CPNE3: variants seen among roughly 807,000 people sequenced by gnomAD.
CPNE3 encodes the protein copine 3.
Under a neutral mutation model 63.9 loss-of-function variants are expected in CPNE3, and 68 were observed. That is an observed-to-expected ratio of 1.06 (90% confidence interval 0.87 to 1.30). CPNE3 has a LOEUF of 1.30. Ranked by LOEUF, CPNE3 falls within the 50% of genes most tolerant of loss-of-function variation. The probability of loss-of-function intolerance (pLI) is 0.00; values close to 1 mark genes in which losing one functional copy is unlikely to be tolerated. For synonymous variants in CPNE3, 219 were observed against 197.5 expected, an observed-to-expected ratio of 1.11 and a Z score of -0.91; for missense variants, 665 against 578.1, an observed-to-expected ratio of 1.15 and a Z score of -1.54.
At chr8:86,548,004 C>T (rs1821092536) in intron 11 of CPNE3, among the ~76,000 whole-genome samples, 1 of 152,136 alleles carries the variant, frequency 6.6e-6, no homozygotes, top group South Asian at 2.1e-4. Flanking sequence ...AGTGGTTATC[C>T]TGAACTAATT....
At chr8:86,556,507 A>G (rs528897739) in intron 16 of CPNE3, among the ~76,000 whole-genome samples, 169 bp downstream of exon 16, 1 of 152,346 alleles carries the variant, frequency 6.6e-6, no homozygotes, top group East Asian at 1.9e-4. Flanking sequence ...CAGGATGTTC[A>G]TTATGTGCTT....
At chr8:86,540,457 T>C (rs956238067) in intron 8 of CPNE3, 123 bp downstream of exon 8, 5 of 418,196 alleles carry the variant, frequency 1.2e-5, no homozygotes, top group Non-Finnish European at 2.1e-5. Context: ...CAGAGTTAAA[T>C]TTTATGTGTG....
chr8:86,520,533 G>T (rs1463229669), intron 2 of CPNE3, among the ~76,000 whole-genome samples: 1 of 148,526 alleles, frequency 6.7e-6, no homozygotes, highest in South Asian at 2.1e-4. Flanking sequence ...CAGCATGGGC[G>T]ACAAGAGTGA....
At chr8:86,544,216 A>G (rs1041209231) in intron 8 of CPNE3, among the ~76,000 whole-genome samples, 2 of 152,154 alleles carry the variant, frequency 1.3e-5, no homozygotes, top group African/African-American at 2.4e-5. Context: ...TGGCTTCATC[A>G]TATCTAACTT....
intron 12 of CPNE3, among the ~76,000 whole-genome samples, chr8:86,548,728 C>A (rs1821108724): frequency 6.6e-6 from 1 of 152,056 alleles, no homozygotes; most frequent in African/African-American, 2.4e-5. Context: ...TTTCTTTAGT[C>A]TGGTTTCCTT....
chr8:86,526,423 G>T (rs943347931), intron 2 of CPNE3, among the ~76,000 whole-genome samples: 2 of 151,998 alleles, frequency 1.3e-5, no homozygotes, highest in Non-Finnish European at 2.9e-5. Context: ...GACCCTAGAG[G>T]CAGATAGTGA....
Position 86,554,878 on chromosome 8 carries a change from G to A in CPNE3, c.1148G>A (p.Arg383Gln), listed in dbSNP as rs78562770. 3,914 of 1,613,894 alleles carry A rather than the reference G, an allele frequency of 2.4e-3. 28 individuals are homozygous for A. In the African/African-American group the frequency reaches 0.026, roughly 11 times the overall value. The change falls in exon 15 of 17, where the codon CGG becomes CAG. Residue 383 changes from arginine (R) to glutamine (Q), a missense_variant. Transcript: ENST00000517490. ...ATCCAAGGCATTGTAGAGGCGTATC[G>A]GTCTTGTCTTCCTCAGATAAAACTC... Reference protein sequence around the residue: ...NGIQGIVEAYRSCLPQIKLYG... With the variant: ...NGIQGIVEAYQSCLPQIKLYG...
rs756144926 is a variant in CPNE3 at position 86,548,307 on chromosome 8, G to T, written c.886G>T (p.Val296Leu). 1.2e-6 allele frequency: 2 copies of T among 1,613,968 alleles called. No homozygotes were observed. Among genetic ancestry groups the T allele is most frequent in the South Asian group, 2.2e-5 (2 of 91,068 alleles). Reference sequence around the variant, plus strand: ...TGCAATTGTTATTTGGCAGGTGGGAGTGGACTTCACTGGCTCCAATGGTGA... The same window carrying T: ...TGCAATTGTTATTTGGCAGGTGGGATTGGACTTCACTGGCTCCAATGGTGA... ...GGCQLNFTVG[V>L]DFTGSNGDPR... Residue 296 changes from valine (V) to leucine (L), a missense_variant, in exon 12 of 17, where the codon GTG (valine) becomes TTG (leucine). By Grantham distance (32) the Val-to-Leu change is conservative. Transcript: ENST00000517490.
At chr8:86,535,301 T>C (rs1025938221) in intron 6 of CPNE3, among the ~76,000 whole-genome samples, 1 of 151,314 alleles carries the variant, frequency 6.6e-6, no homozygotes, top group Non-Finnish European at 1.5e-5. Context: ...GGCTTTTCAG[T>C]GGACAGATAC....
At chr8:86,520,060 T>C (rs28613262) in intron 2 of CPNE3, among the ~76,000 whole-genome samples, 23,409 of 149,246 alleles carry the variant, frequency 0.16, 1,927 homozygotes, top group Non-Finnish European at 0.19. Context: ...TGGAAAACTT[T>C]ATCCTTTTTC....
chr8:86,544,961 T>G (rs888948995), intron 9 of CPNE3, 123 bp downstream of exon 9: 1 of 458,088 alleles, frequency 2.2e-6, no homozygotes, highest in Admixed American at 3.6e-5. Flanking sequence ...TGCATAATGC[T>G]CCGAAATGTT....
At chr8:86,528,202 A>C (rs994441479) in intron 2 of CPNE3, among the ~76,000 whole-genome samples, 38 of 151,998 alleles carry the variant, frequency 2.5e-4, no homozygotes, top group African/African-American at 8.7e-4. Context: ...CTTCTGCCTC[A>C]GCCTCCCAAA....
intron 6 of CPNE3, among the ~76,000 whole-genome samples, chr8:86,533,982 G>A (rs1248058247): frequency 2.0e-5 from 3 of 152,030 alleles, no homozygotes; most frequent in African/African-American, 7.2e-5. Flanking sequence ...CGTTCAAGTT[G>A]GGCACAGGTG....
chr8:86,544,593 C>T, intron 8 of CPNE3, 147 bp from the exon 9 acceptor site: 2 of 315,190 alleles, frequency 6.3e-6, no homozygotes, highest in Non-Finnish European at 1.1e-5. Flanking sequence ...ATGTTAATTC[C>T]TACTGTCCCA....
chr8:86,553,046 T>C (rs1821229038), intron 14 of CPNE3, among the ~76,000 whole-genome samples: 1 of 144,998 alleles, frequency 6.9e-6, no homozygotes, highest in South Asian at 2.2e-4. Flanking sequence ...GTATTTTTAG[T>C]AAAGACAGGG....
intron 10 of CPNE3, chr8:86,547,482 T>C (rs986117573): frequency 7.1e-6 from 3 of 424,194 alleles, no homozygotes; most frequent in Non-Finnish European, 1.2e-5. Flanking sequence ...ATTTCATCTT[T>C]CGCCATTAGT....
chr8:86,537,696 T>C (rs778699229), intron 7 of CPNE3, 50 bp downstream of exon 7: 2 of 1,056,646 alleles, frequency 1.9e-6, no homozygotes, highest in East Asian at 2.4e-5. Context: ...TTGAAATTAT[T>C]GTAATCTGAA....
intron 10 of CPNE3, 105 bp downstream of exon 10, chr8:86,546,786 A>G (rs968896491): frequency 8.3e-7 from 1 of 1,207,010 alleles, no homozygotes; most frequent in Non-Finnish European, 1.1e-6. Flanking sequence ...ATCTCGGCTC[A>G]CTGCAACCTC....
intron 2 of CPNE3, among the ~76,000 whole-genome samples, chr8:86,521,311 A>G (rs894144991): frequency 6.6e-6 from 1 of 152,204 alleles, no homozygotes; most frequent in Non-Finnish European, 1.5e-5. Flanking sequence ...AATATAAACC[A>G]TTCCAGTTCT....
Sources: gnomAD v4.1 joint callset for allele counts (sites outside exome capture counted in the v4.1 genomes callset) on GRCh38, gnomAD v4.1.1 for gene constraint, MANE v1.5 for transcripts, NCBI Gene and HGNC (gene_info 2026-07-23, HGNC 2026-07-21) for gene names.